The following MAGED1 variants were observed in gnomAD, a reference collection of about 807,000 sequenced individuals.
MAGED1 encodes the protein melanoma-associated antigen D1.
A neutral mutation model predicts 54.1 loss-of-function variants in MAGED1; 3 were observed. That is an observed-to-expected ratio of 0.06 (90% confidence interval 0.03 to 0.14). The LOEUF (loss-of-function observed/expected upper bound fraction) is 0.14, where lower values mean the gene tolerates loss of function less well. MAGED1 is among the 10% of genes least tolerant of loss of function. The probability of loss-of-function intolerance (pLI) is 1.00; values close to 1 mark genes in which losing one functional copy is unlikely to be tolerated. For missense variants in MAGED1, 485 were observed against 623.4 expected (o/e 0.78, Z 2.36); for synonymous variants, 217 against 227.3 (o/e 0.95, Z 0.41).
intron 1 of MAGED1, among the ~76,000 whole-genome samples, chrX:51,828,462 T>G (rs1038003748): frequency 1.8e-5 from 2 of 110,431 alleles, no homozygotes; most frequent in South Asian, 3.8e-4. Flanking sequence ...GACATGTTGT[T>G]TTTTTTTTGT....
At chrX:51,818,487 C>T (rs1925512134) in intron 1 of MAGED1, among the ~76,000 whole-genome samples, 1 of 111,948 alleles carries the variant, frequency 8.9e-6, no homozygotes, top group Admixed American at 9.5e-5. Flanking sequence ...ACCCCTCTCC[C>T]AGACCCTGTG....
At chrX:51,870,838 A>G (rs1307136115) in intron 1 of MAGED1, 1 of 112,931 alleles carries the variant, frequency 8.9e-6, no homozygotes, top group Non-Finnish European at 1.9e-5. Flanking sequence ...CAAATATTAC[A>G]TGGTATGTTA....
chrX:51,837,087 A>T (rs963342432), intron 1 of MAGED1, among the ~76,000 whole-genome samples: 4 of 111,674 alleles, frequency 3.6e-5, no homozygotes, highest in African/African-American at 1.3e-4. Flanking sequence ...TCTCTCAGGG[A>T]AGTACGCTGG....
intron 1 of MAGED1, among the ~76,000 whole-genome samples, chrX:51,841,529 G>T (rs1460417962): frequency 9.0e-6 from 1 of 111,348 alleles, no homozygotes; most frequent in Admixed American, 9.5e-5. Context: ...GTCCTGAATG[G>T]TATTGCCTAA....
chrX:51,856,126 C>T (rs1927075155), intron 1 of MAGED1, among the ~76,000 whole-genome samples: 1 of 111,742 alleles, frequency 8.9e-6, no homozygotes, highest in African/African-American at 3.3e-5. Context: ...ACATAATATC[C>T]CATCATTAAA....
chrX:51,873,551 G>GAGAC (rs1569555908), intron 1 of MAGED1, among the ~76,000 whole-genome samples: 1 of 107,080 alleles, frequency 9.3e-6, no homozygotes, highest in Non-Finnish European at 1.9e-5. Context: ...GAGAGAGAGA[G>GAGAC]AGAGAGAGAA....
intron 1 of MAGED1, among the ~76,000 whole-genome samples, chrX:51,869,588 G>T (rs1163086713): frequency 9.0e-6 from 1 of 110,535 alleles, no homozygotes; most frequent in Non-Finnish European, 1.9e-5. Context: ...CAGGGTATCC[G>T]CCGGGTGCGG....
chrX:51,846,209 A>G (rs1926683786), intron 1 of MAGED1, among the ~76,000 whole-genome samples: 1 of 112,218 alleles, frequency 8.9e-6, no homozygotes, highest in African/African-American at 3.2e-5. Context: ...TGCAGATATG[A>G]TTAAGTTAAG....
At chrX:51,843,410 G>A (rs1412795894) in intron 1 of MAGED1, among the ~76,000 whole-genome samples, 1 of 111,490 alleles carries the variant, frequency 9.0e-6, no homozygotes, top group Non-Finnish European at 1.9e-5. Context: ...GAGTTATAGA[G>A]TGAAGATGTA....
chrX:51,803,393 G>A (rs1245943056), intron 1 of MAGED1, among the ~76,000 whole-genome samples: 1 of 109,296 alleles, frequency 9.1e-6, no homozygotes, highest in African/African-American at 3.3e-5. Flanking sequence ...TCTTTATCCC[G>A]TATCCTCTTC....
chrX:51,898,385 T>G, intron 9 of MAGED1, 58 bp downstream of exon 9: 1 of 1,175,274 alleles, frequency 8.5e-7, no homozygotes. Context: ...CAACAGTGGA[T>G]GGTCCCAGGA....
chrX:51,845,617 C>A (rs1294957831), intron 1 of MAGED1, among the ~76,000 whole-genome samples: 1 of 111,616 alleles, frequency 9.0e-6, no homozygotes, highest in Non-Finnish European at 1.9e-5. Flanking sequence ...TCTAGAGCCT[C>A]ACCCATACCT....
intron 1 of MAGED1, among the ~76,000 whole-genome samples, chrX:51,834,601 A>G (rs782800473): frequency 8.9e-6 from 1 of 111,915 alleles, no homozygotes; most frequent in South Asian, 3.7e-4. Context: ...TTTATAGTTG[A>G]AAACACTGTT....
At chrX:51,847,047 A>G (rs1926712937) in intron 1 of MAGED1, among the ~76,000 whole-genome samples, 2 of 112,789 alleles carry the variant, frequency 1.8e-5, no homozygotes, top group Non-Finnish European at 3.7e-5. Context: ...ACAAACAAAT[A>G]TGTATCTGTT....
chrX:51,831,194 A>G lies in MAGED1; in HGVS notation c.-37+28077A>G, dbSNP rs1205263364. On this transcript the variant is annotated intron_variant, in intron 1 of 12. Coordinates refer to the MAGED1 transcript ENST00000375772. ...TATATATGATAACTACATATCAAGC[A>G]ACTGTTATTCCCAATCTTGACTTGA... 3.5e-5 allele frequency among the ~76,000 whole-genome samples: 4 copies of G among 112,706 alleles called. No individual in the cohort carries two copies. In the Admixed American group the frequency reaches 3.7e-4, roughly 11 times the overall value.
chrX:51,805,114 C>T (rs1157999981), intron 1 of MAGED1, among the ~76,000 whole-genome samples: 2 of 111,826 alleles, frequency 1.8e-5, no homozygotes, highest in Non-Finnish European at 3.8e-5. Flanking sequence ...TCCATATTCA[C>T]CTCATCCTCA....
chrX:51,896,629 C>T lies in MAGED1; in HGVS notation c.974C>T (p.Ala325Val), dbSNP rs1557364293. The T allele has an allele frequency of 7.4e-6, 9 of 1,212,082 alleles. No individual in the cohort carries two copies. The highest frequency in any genetic ancestry group is 1.0e-5 in the Non-Finnish European group (9 of 895,526). The change falls in exon 4 of 13, where the codon GCT becomes GTT. Residue 325 changes from alanine (A) to valine (V), a missense_variant. Physicochemically the swap from Ala to Val is moderately conservative, Grantham distance 64. Around this residue, in one of 2 missense-constraint regions of MAGED1, gnomAD observed 299 missense variants for 293.1 expected, o/e 1.02. Transcript: ENST00000326587. ...QTPPARQSPP[A>V]RQTPPAWQNP... The stretch of plus-strand genomic sequence containing the variant: ...CCACCAGCACGTCAGAGCCCTCCAG[C>T]TAGGCAGACCCCACCAGCCTGGCAG...
chrX:51,828,894 A>G (rs1302983270), intron 1 of MAGED1, among the ~76,000 whole-genome samples: 1 of 111,182 alleles, frequency 9.0e-6, no homozygotes, highest in Non-Finnish European at 1.9e-5. Flanking sequence ...GCTATTCCAC[A>G]TTAAAAAAAA....
At chrX:51,861,765 C>T (rs1557360695) in intron 1 of MAGED1, among the ~76,000 whole-genome samples, 1 of 111,445 alleles carries the variant, frequency 9.0e-6, no homozygotes, top group East Asian at 2.8e-4. Context: ...CTCACTGCAA[C>T]CTCTGCCTCC....
Sources: allele counts gnomAD v4.1 joint callset (sites outside exome capture counted in the v4.1 genomes callset), GRCh38; gene constraint gnomAD v4.1.1; regional missense constraint gnomAD v4.1.1; transcripts MANE v1.5; gene names NCBI Gene and HGNC (gene_info 2026-07-23, HGNC 2026-07-21).